RANBP2: variants seen among roughly 807,000 people sequenced by gnomAD.
The protein encoded by RANBP2 is E3 SUMO-protein ligase RanBP2.
Under a neutral mutation model 303.6 loss-of-function variants are expected in RANBP2, and 57 were observed. The ratio of observed to expected loss-of-function variants is 0.19; its 90% CI spans 0.15 to 0.23. The LOEUF (loss-of-function observed/expected upper bound fraction) is 0.23. Among genes scored for constraint, RANBP2 ranks in the 10% least tolerant of loss-of-function variants. The pLI is 1.00. For missense variants in RANBP2, 3,138 were observed against 3,780.8 expected (o/e 0.83, Z 4.46); for synonymous variants, 1,167 against 1,301.5 (o/e 0.90, Z 2.23).
At chr2:109,584,891 T>C in the RANBP2 span, among the ~76,000 whole-genome samples, 17 of 152,208 alleles carry the variant, frequency 1.1e-4, no homozygotes, top group African/African-American at 3.6e-4. Context: ...TTTGCTGAAA[T>C]GCACATTTTA....
chr2:109,722,679 A>G, the RANBP2 span, among the ~76,000 whole-genome samples: 1 of 152,086 alleles, frequency 6.6e-6, no homozygotes, highest in Admixed American at 6.6e-5. Context: ...GTTCCCCACC[A>G]TGTGTCCTTC....
chr2:109,614,047 G>A, the RANBP2 span: 1 of 1,211,996 alleles, frequency 8.3e-7, no homozygotes, highest in Non-Finnish European at 1.0e-6. Context: ...CGTTTTGCCT[G>A]CGCCAAGCGA....
the RANBP2 span, among the ~76,000 whole-genome samples, chr2:109,556,037 A>AG: frequency 3.3e-5 from 5 of 152,202 alleles, no homozygotes; most frequent in Non-Finnish European, 5.9e-5. Flanking sequence ...CATCTCTGTG[A>AG]CTATCCAGCA....
chr2:108,986,209 G>A, the RANBP2 span, among the ~76,000 whole-genome samples: 1 of 151,978 alleles, frequency 6.6e-6, no homozygotes, highest in African/African-American at 2.4e-5. Context: ...CACCTACAAT[G>A]GCCTATATTT....
chr2:109,603,542 TA>T, the RANBP2 span, among the ~76,000 whole-genome samples: 9,793 of 152,106 alleles, frequency 0.064, 748 homozygotes, highest in East Asian at 0.24. Context: ...CCCGGCCTCA[TA>T]ATATTATTTT....
the RANBP2 span, among the ~76,000 whole-genome samples, chr2:108,925,314 A>C: frequency 6.6e-6 from 1 of 152,254 alleles, no homozygotes. Flanking sequence ...CAGAGGCCCC[A>C]AAAGGCCTCT....
the RANBP2 span, among the ~76,000 whole-genome samples, chr2:108,927,099 C>T: frequency 5.3e-5 from 8 of 152,312 alleles, no homozygotes; most frequent in East Asian, 7.7e-4. Flanking sequence ...TGAGCAGACA[C>T]AGCACATCAT....
chr2:109,322,957 A>C, the RANBP2 span, among the ~76,000 whole-genome samples: 16 of 152,274 alleles, frequency 1.1e-4, no homozygotes, highest in East Asian at 1.9e-3. Context: ...TGGGCAGGCA[A>C]TATAAAGAGG....
At position 108,765,198 on chromosome 2, in the gene RANBP2, A is replaced by G. The variant is rs141533438; in HGVS notation, c.4659A>G (p.Leu1553=). The G allele has an allele frequency of 1.9e-6, 3 of 1,614,040 alleles. No homozygotes were observed. The highest frequency in any genetic ancestry group is 1.3e-5 in the African/African-American group (1 of 74,936). Residue 1553 remains leucine, a synonymous_variant, in exon 20 of 29, where the codon TTA becomes TTG. Transcript: ENST00000283195. ...KEGQWDCSSC[L]VRNEANATRC... is the part of the protein sequence containing the mutation. ...GACAGTGGGATTGCAGTTCATGCTT[A>G]GTGCGAAATGAAGCAAATGCTACAA... is the stretch of plus-strand genomic sequence containing the variant.
At chr2:109,613,651 G>A in the RANBP2 span, 215 of 514,164 alleles carry the variant, frequency 4.2e-4, no homozygotes, top group Non-Finnish European at 5.7e-5. Flanking sequence ...CGGCCGCCGC[G>A]GAAGCCGGGG....
At chr2:109,600,874 C>T in the RANBP2 span, among the ~76,000 whole-genome samples, 1 of 152,216 alleles carries the variant, frequency 6.6e-6, no homozygotes, top group Non-Finnish European at 1.5e-5. Context: ...TGTTCATTTG[C>T]TCCATTTACC....
At chr2:108,862,825 G>C in the RANBP2 span, among the ~76,000 whole-genome samples, 1 of 151,878 alleles carries the variant, frequency 6.6e-6, no homozygotes, top group East Asian at 1.9e-4. Context: ...AGATACTAGT[G>C]CATATACAGT....
chr2:108,811,109 T>C, the RANBP2 span, among the ~76,000 whole-genome samples: 1 of 150,772 alleles, frequency 6.6e-6, no homozygotes, highest in Non-Finnish European at 1.5e-5. Context: ...TCTTTTTTTT[T>C]TTCTTTTTTC....
chr2:108,849,827 A>G, the RANBP2 span, among the ~76,000 whole-genome samples: 1 of 152,218 alleles, frequency 6.6e-6, no homozygotes, highest in Non-Finnish European at 1.5e-5. Flanking sequence ...CCTGGGGCCA[A>G]GGTACATGCT....
chr2:108,803,443 T>A, the RANBP2 span, among the ~76,000 whole-genome samples: 33 of 152,020 alleles, frequency 2.2e-4, no homozygotes, highest in African/African-American at 8.0e-4. Flanking sequence ...AAAAAAAAAT[T>A]TTTTTTTAAT....
chr2:109,458,602 A>AGAGAGAGAGAGAGAGAGAG, the RANBP2 span, among the ~76,000 whole-genome samples: 1 of 39,932 alleles, frequency 2.5e-5, no homozygotes, highest in African/African-American at 6.4e-5. Context: ...GAGAGAGAGA[A>AGAGAGAGAGAGAGAGAGAG]TTTATTTATT....
At chr2:109,145,482 G>T in the RANBP2 span, among the ~76,000 whole-genome samples, 1 of 152,144 alleles carries the variant, frequency 6.6e-6, no homozygotes, top group Non-Finnish European at 1.5e-5. Flanking sequence ...AGGGAATGCC[G>T]CCTCCTTTCT....
At chr2:109,505,490 T>C in the RANBP2 span, among the ~76,000 whole-genome samples, 1 of 152,166 alleles carries the variant, frequency 6.6e-6, no homozygotes, top group Non-Finnish European at 1.5e-5. Flanking sequence ...CTGGGCAACA[T>C]AGACCCTTGT....
the RANBP2 span, among the ~76,000 whole-genome samples, chr2:109,177,410 C>T: frequency 2.6e-5 from 4 of 152,184 alleles, no homozygotes; most frequent in African/African-American, 9.7e-5. Context: ...ATGAAATAGT[C>T]TGGGGCAGAG....
Sources: allele counts gnomAD v4.1 joint callset (sites outside exome capture counted in the v4.1 genomes callset), GRCh38; gene constraint gnomAD v4.1.1; transcripts MANE v1.5; gene names NCBI Gene and HGNC (gene_info 2026-07-23, HGNC 2026-07-21).